Variants in SLC5A4 observed in about 807,000 individuals in gnomAD.
The protein encoded by SLC5A4 is solute carrier family 5 member 4, also known as probable glucose sensor protein SLC5A4.
SLC5A4 carries 55 observed loss-of-function variants against 70.3 expected under a neutral mutation model. The ratio of observed to expected loss-of-function variants is 0.78; its 90% CI spans 0.63 to 0.98. The LOEUF is 0.98. Among genes scored for constraint, SLC5A4 ranks in the 50% least tolerant of loss-of-function variants. The probability of loss-of-function intolerance (pLI) is 0.00; values close to 1 mark genes in which losing one functional copy is unlikely to be tolerated. For missense variants in SLC5A4, 735 were observed against 839.2 expected (o/e 0.88, Z 1.53); for synonymous variants, 268 against 305.7 (o/e 0.88, Z 1.29).
the SLC5A4 span, among the ~76,000 whole-genome samples, chr22:32,318,197 C>T: frequency 7.9e-5 from 12 of 152,026 alleles, no homozygotes; most frequent in African/African-American, 2.7e-4. Context: ...TCATGGACCT[C>T]ATCTCTTCCC....
At chr22:32,252,379 T>C (rs1927225148) in intron 2 of SLC5A4, among the ~76,000 whole-genome samples, 1 of 152,216 alleles carries the variant, frequency 6.6e-6, no homozygotes. Context: ...TTTTTTTACA[T>C]TTTTGCATTG....
the SLC5A4 span, among the ~76,000 whole-genome samples, chr22:32,333,324 C>A: frequency 6.6e-6 from 1 of 152,016 alleles, no homozygotes; most frequent in Non-Finnish European, 1.5e-5. Flanking sequence ...GGGGAGAGGC[C>A]TCCGGAAGGA....
At chr22:32,259,501 A>G (rs1199142613), upstream of SLC5A4, among the ~76,000 whole-genome samples, 1 of 152,104 alleles carries the variant, frequency 6.6e-6, no homozygotes, top group Non-Finnish European at 1.5e-5. Flanking sequence ...GGCATGCTAC[A>G]TTGACTGATT....
chr22:32,293,839 G>A, the SLC5A4 span, among the ~76,000 whole-genome samples: 1 of 152,002 alleles, frequency 6.6e-6, no homozygotes, highest in Admixed American at 6.6e-5. Flanking sequence ...TCTTTTCTAA[G>A]AAGTCTTATT....
At chr22:32,326,918 G>A in the SLC5A4 span, among the ~76,000 whole-genome samples, 1 of 152,176 alleles carries the variant, frequency 6.6e-6, no homozygotes. Context: ...GAATGTGGGT[G>A]CCTCTGGGAA....
the SLC5A4 span, among the ~76,000 whole-genome samples, chr22:32,323,488 C>T: frequency 6.6e-6 from 1 of 152,330 alleles, no homozygotes; most frequent in African/African-American, 2.4e-5. Flanking sequence ...CCATGCTGCA[C>T]AGGAAGGGAA....
chr22:32,282,696 C>T, the SLC5A4 span, among the ~76,000 whole-genome samples: 1 of 152,206 alleles, frequency 6.6e-6, no homozygotes, highest in African/African-American at 2.4e-5. Context: ...TCACATCCAA[C>T]ACGTCCAACA....
At chr22:32,239,554 A>ATATATATATATATATATATATATT (rs1926322052) in intron 5 of SLC5A4, among the ~76,000 whole-genome samples, 2 of 16,848 alleles carry the variant, frequency 1.2e-4, no homozygotes, top group Non-Finnish European at 1.8e-4. Context: ...ATATATATAT[A>ATATATATATATATATATATATATT]TATATATATA....
chr22:32,232,108 G>A (rs1249571658), intron 9 of SLC5A4, among the ~76,000 whole-genome samples: 1 of 152,046 alleles, frequency 6.6e-6, no homozygotes, highest in African/African-American at 2.4e-5. Flanking sequence ...TCAAAGTCCT[G>A]GGCCTCAAGC....
At chr22:32,334,179 T>C in the SLC5A4 span, among the ~76,000 whole-genome samples, 3 of 150,232 alleles carry the variant, frequency 2.0e-5, no homozygotes, top group African/African-American at 7.3e-5. Flanking sequence ...CATCACACAA[T>C]GCACACACCA....
the SLC5A4 span, chr22:32,285,183 AT>A: frequency 6.6e-6 from 1 of 152,128 alleles, no homozygotes; most frequent in Non-Finnish European, 1.5e-5. Flanking sequence ...ATATGTGTGT[AT>A]ATGCATTTTT....
At chr22:32,345,602 AT>A in the SLC5A4 span, among the ~76,000 whole-genome samples, 2 of 152,312 alleles carry the variant, frequency 1.3e-5, no homozygotes, top group East Asian at 3.9e-4. Context: ...TCTTAAAAAA[AT>A]AAAAACAAAC....
intron 14 of SLC5A4, 144 bp downstream of exon 14, chr22:32,220,776 T>C: frequency 1.5e-6 from 1 of 667,760 alleles, no homozygotes; most frequent in Non-Finnish European, 2.7e-6. Context: ...TCTTGGTTTT[T>C]GGAAAGGTAA....
chr22:32,321,616 CCCACCTT>C, the SLC5A4 span, among the ~76,000 whole-genome samples: 2 of 152,216 alleles, frequency 1.3e-5, no homozygotes, highest in African/African-American at 4.8e-5. Flanking sequence ...TCCCCCTCCT[CCCACCTT>C]CCGCCCTTCA....
chr22:32,306,046 C>T, the SLC5A4 span, among the ~76,000 whole-genome samples: 1 of 152,176 alleles, frequency 6.6e-6, no homozygotes, highest in East Asian at 1.9e-4. Context: ...TCCTCCCCTA[C>T]AGAATGACAA....
the SLC5A4 span, among the ~76,000 whole-genome samples, chr22:32,329,579 G>GA: frequency 7.0e-6 from 1 of 143,390 alleles, no homozygotes; most frequent in Non-Finnish European, 1.5e-5. Flanking sequence ...TGCGGGCTCT[G>GA]GTGTGTGTCT....
chr22:32,301,243 A>C, the SLC5A4 span, among the ~76,000 whole-genome samples: 2 of 152,198 alleles, frequency 1.3e-5, no homozygotes, highest in Non-Finnish European at 2.9e-5. Flanking sequence ...TTAAAGGAGT[A>C]AGCCGCCACG....
chr22:32,239,518 TTATATATATATATATATATATA>T lies in SLC5A4; in HGVS notation c.478-450_478-429del, dbSNP rs1173210993. On this transcript the variant is annotated intron_variant, in intron 5 of 14. Transcript: ENST00000266086. Reference sequence around the variant, plus strand: ...CTGCACTCCAGCCTGGGAGTGCATATTATATATATATATATATATATATATATATATATATATATATATATAT... The same window carrying T: ...CTGCACTCCAGCCTGGGAGTGCATATTATATATATATATATATATATATAT... Among the ~76,000 whole-genome samples, 10 of 25,230 alleles carry T rather than the reference TTATATATATATATATATATATA, an allele frequency of 4.0e-4. No homozygotes were observed. The Admixed American group carries it at 6.2e-3, about 16-fold the overall frequency. 16.6% of individuals were successfully genotyped at this position (25,230 alleles called of 152,430 possible).
chr22:32,254,318 C>A (rs1043957966), intron 1 of SLC5A4, 105 bp from the exon 2 acceptor site: 2 of 743,098 alleles, frequency 2.7e-6, no homozygotes, highest in African/African-American at 1.7e-5. Context: ...AGCACTCCTA[C>A]AGAGAGAAAC....
Sources: gnomAD v4.1 joint callset for allele counts (sites outside exome capture counted in the v4.1 genomes callset) on GRCh38, gnomAD v4.1.1 for gene constraint, MANE v1.5 for transcripts, NCBI Gene and HGNC (gene_info 2026-07-23, HGNC 2026-07-21) for gene names.